Variants in CLEC16A observed in about 807,000 individuals in gnomAD.
The protein encoded by CLEC16A is C-type lectin domain containing 16A.
CLEC16A carries 51 observed loss-of-function variants against 109.5 expected under a neutral mutation model. That is an observed-to-expected ratio of 0.47 (90% CI 0.37 to 0.59). The LOEUF is 0.59. CLEC16A is among the 20% of genes least tolerant of loss of function. CLEC16A has a pLI of 0.00. For missense variants in CLEC16A, 1,339 were observed against 1,394.0 expected, an observed-to-expected ratio of 0.96 and a Z score of 0.63; for synonymous variants, 673 against 564.2, an observed-to-expected ratio of 1.19 and a Z score of -2.73.
chr16:11,109,472 A>G (rs962995315), intron 19 of CLEC16A, among the ~76,000 whole-genome samples: 12 of 152,180 alleles, frequency 7.9e-5, no homozygotes, highest in Admixed American at 3.3e-4. Flanking sequence ...CTTTCAGTAC[A>G]TGGCTTTAGA....
Position 11,176,636 on chromosome 16 carries a change from G to A in CLEC16A, c.2807-1699G>A, listed in dbSNP as rs568271047. 6.6e-5 allele frequency among the ~76,000 whole-genome samples: 10 copies of A among 152,296 alleles called. No individual in the cohort carries two copies. In the South Asian group the frequency reaches 1.5e-3, roughly 22 times the overall value. On this transcript the variant is annotated intron_variant, in intron 23 of 23. Transcript: ENST00000409790. ...GCCTGTAGTCCCAGCTACTCAGGAG[G>A]CCGAAGCAGGAGGATCACTTGAGTC...
chr16:11,050,958 C>G (rs971871904), intron 17 of CLEC16A, among the ~76,000 whole-genome samples: 2 of 152,200 alleles, frequency 1.3e-5, no homozygotes, highest in Non-Finnish European at 2.9e-5. Flanking sequence ...GCTCTGCCAC[C>G]CACCAGCTGA....
chr16:10,997,956 G>T (rs2044427157), intron 10 of CLEC16A, among the ~76,000 whole-genome samples: 1 of 152,140 alleles, frequency 6.6e-6, no homozygotes, highest in African/African-American at 2.4e-5. Context: ...ACACCTGGTG[G>T]AACATGTTTG....
chr16:11,024,971 T>G, intron 13 of CLEC16A, 50 bp downstream of exon 13: 3 of 1,252,722 alleles, frequency 2.4e-6, no homozygotes, highest in Non-Finnish European at 3.4e-6. Flanking sequence ...TGCATACCCA[T>G]AGCATCCTTC....
At chr16:11,090,949 C>T (rs945723395) in intron 19 of CLEC16A, among the ~76,000 whole-genome samples, 10 of 151,212 alleles carry the variant, frequency 6.6e-5, no homozygotes, top group African/African-American at 2.2e-4. Context: ...GGATTACAGG[C>T]ATGAGCCACG....
At chr16:10,992,447 G>T (rs1230939821) in intron 10 of CLEC16A, among the ~76,000 whole-genome samples, 1 of 151,756 alleles carries the variant, frequency 6.6e-6, no homozygotes, top group African/African-American at 2.4e-5. Context: ...GATATGCTAA[G>T]TACCCTGATG....
intron 22 of CLEC16A, among the ~76,000 whole-genome samples, chr16:11,151,565 C>A (rs546819258): frequency 1.3e-5 from 2 of 152,212 alleles, no homozygotes; most frequent in African/African-American, 2.4e-5. Flanking sequence ...AAGTAGAAAC[C>A]GTAGCTCAAA....
intron 22 of CLEC16A, among the ~76,000 whole-genome samples, chr16:11,138,479 G>A (rs1329175475): frequency 1.3e-5 from 2 of 152,194 alleles, no homozygotes; most frequent in African/African-American, 2.4e-5. Flanking sequence ...AATGGACTTG[G>A]GTTTTAACTG....
At chr16:11,172,738 A>C (rs913810551) in intron 23 of CLEC16A, among the ~76,000 whole-genome samples, 14 of 152,086 alleles carry the variant, frequency 9.2e-5, no homozygotes, top group African/African-American at 3.4e-4. Flanking sequence ...AAAATACAAA[A>C]ATTAGCCAGG....
intron 19 of CLEC16A, among the ~76,000 whole-genome samples, chr16:11,075,933 T>A (rs1364406613): frequency 2.0e-5 from 3 of 152,210 alleles, no homozygotes; most frequent in African/African-American, 7.2e-5. Flanking sequence ...ATGATCACTC[T>A]AGTTATTCAG....
At chr16:11,003,688 G>A (rs529135509) in intron 11 of CLEC16A, among the ~76,000 whole-genome samples, 6 of 152,304 alleles carry the variant, frequency 3.9e-5, no homozygotes, top group Non-Finnish European at 7.4e-5. Context: ...CTTCGATGCT[G>A]CAGAAGTGTT....
At chr16:10,981,836 T>G (rs1256669471) in intron 9 of CLEC16A, among the ~76,000 whole-genome samples, 5 of 152,212 alleles carry the variant, frequency 3.3e-5, no homozygotes, top group African/African-American at 9.6e-5. Context: ...GGGGCAATTT[T>G]GCCCCTCAGG....
Position 11,166,482 on chromosome 16 carries a change from G to C in CLEC16A, c.2736G>C (p.Gly912=). The change falls in exon 23 of 24, where the codon GGG becomes GGC. Residue 912 remains glycine, a synonymous_variant. Coordinates refer to ENST00000409790, the MANE Select transcript of CLEC16A (RefSeq NM_015226.3). The part of the protein sequence containing the change: ...PSASGSPSGS[G]STSHCDSGGT... The stretch of plus-strand genomic sequence containing the variant: ...CCAGCGGGAGCCCCAGCGGCAGCGG[G>C]AGCACCAGCCACTGCGACTCTGGAG... 6.2e-7 allele frequency: 1 copy of C among 1,608,756 alleles called. No individual in the cohort carries two copies. Among genetic ancestry groups the C allele is most frequent in the Non-Finnish European group, 8.5e-7 (1 of 1,179,696 alleles).
At chr16:11,015,404 G>A (rs74589280) in intron 11 of CLEC16A, among the ~76,000 whole-genome samples, 1 of 152,220 alleles carries the variant, frequency 6.6e-6, no homozygotes, top group Non-Finnish European at 1.5e-5. Flanking sequence ...CACTGCACTT[G>A]TGGGTTTCTG....
At chr16:11,026,905 C>A in intron 13 of CLEC16A, 1 of 846,594 alleles carries the variant, frequency 1.2e-6, no homozygotes, top group Non-Finnish European at 1.9e-6. Context: ...TAAGTGAACG[C>A]TGACTGGGTC....
At chr16:11,161,398 C>T (rs2054716483) in intron 22 of CLEC16A, among the ~76,000 whole-genome samples, 1 of 152,158 alleles carries the variant, frequency 6.6e-6, no homozygotes, top group African/African-American at 2.4e-5. Context: ...TTTGTAAAGA[C>T]AGAAAAGAAG....
chr16:11,160,425 A>C (rs1257969954), intron 22 of CLEC16A, among the ~76,000 whole-genome samples: 2 of 152,158 alleles, frequency 1.3e-5, no homozygotes, highest in Non-Finnish European at 2.9e-5. Context: ...TTTCTACCCA[A>C]AAAGTCCACT....
chr16:10,995,487 C>T (rs1220492173), intron 10 of CLEC16A, among the ~76,000 whole-genome samples: 1 of 152,224 alleles, frequency 6.6e-6, no homozygotes, highest in Non-Finnish European at 1.5e-5. Context: ...CAGTAAGTTG[C>T]TGGGAGCTTG....
chr16:11,166,261 G>A (rs1213592196), intron 22 of CLEC16A, 127 bp from the exon 23 acceptor site: 1 of 1,028,962 alleles, frequency 9.7e-7, no homozygotes, highest in East Asian at 2.9e-5. Context: ...AGTGAGGTCA[G>A]CCTGTTCCAG....
Sources: allele counts gnomAD v4.1 joint callset (sites outside exome capture counted in the v4.1 genomes callset), GRCh38; gene constraint gnomAD v4.1.1; transcripts MANE v1.5; gene names NCBI Gene and HGNC (gene_info 2026-07-23, HGNC 2026-07-21).